The following NRXN3 variants were observed in gnomAD, a reference collection of about 807,000 sequenced individuals.
NRXN3 encodes the protein neurexin 3.
Under a neutral mutation model 137.6 loss-of-function variants are expected in NRXN3, and 32 were observed. That is an observed-to-expected ratio of 0.23 (90% confidence interval 0.18 to 0.31). The LOEUF is 0.31. NRXN3 is among the 10% of genes least tolerant of loss of function. NRXN3 has a pLI of 1.00. For synonymous variants in NRXN3, 798 were observed against 784.5 expected, an observed-to-expected ratio of 1.02 and a Z score of -0.29; for missense variants, 1,574 against 2,062.5, an observed-to-expected ratio of 0.76 and a Z score of 4.59.
At position 78,336,854 on chromosome 14, in the gene NRXN3, T is replaced by C. The variant is rs78071647; in HGVS notation, c.757+38994T>C. Among the ~76,000 whole-genome samples the C allele has an allele frequency of 5.4e-3, 824 of 152,244 alleles. 34 individuals are homozygous for C. In the East Asian group the frequency reaches 0.089, roughly 17 times the overall value. ...CAGCATCCTGTTGTGATGCAATTCA[T>C]TGGACTGGGACAATGACTTTCTGCT... On this transcript the variant is annotated intron_variant, in intron 4 of 20. Coordinates refer to ENST00000335750, the MANE Select transcript of NRXN3 (RefSeq NM_001330195.2).
intron 4 of NRXN3, among the ~76,000 whole-genome samples, chr14:78,418,167 G>A (rs1342449574): frequency 6.6e-6 from 1 of 152,180 alleles, no homozygotes; most frequent in African/African-American, 2.4e-5. Flanking sequence ...ATATTAGCCT[G>A]GGGTGGACTG....
chr14:79,858,486 G>C (rs1568474044), intron 20 of NRXN3, among the ~76,000 whole-genome samples: 1 of 152,076 alleles, frequency 6.6e-6, no homozygotes, highest in African/African-American at 2.4e-5. Context: ...CCAGGGCTTT[G>C]CCTCCTAAGA....
chr14:78,380,278 G>T (rs974584214), intron 4 of NRXN3, among the ~76,000 whole-genome samples: 1 of 136,882 alleles, frequency 7.3e-6, no homozygotes, highest in Non-Finnish European at 1.5e-5. Context: ...TCCGCAGTCC[G>T]GCCTGGGCGA....
chr14:79,648,066 C>A lies in NRXN3; in HGVS notation c.3445-15712C>A, dbSNP rs1024342520. 1.5e-5 allele frequency among the ~76,000 whole-genome samples: 2 copies of A among 134,908 alleles called. 1 individual carries two copies. The highest frequency in any genetic ancestry group is 3.4e-5 in the Non-Finnish European group (2 of 58,108). The allele number at this position is 134,908 out of a possible 152,430, so 88.5% of individuals were successfully genotyped here. On this transcript the variant is annotated intron_variant, in intron 16 of 20. Coordinates refer to ENST00000335750, the MANE Select transcript of NRXN3 (RefSeq NM_001330195.2). ...GGAATGAAGTATAAGAAAACCTGTG[C>A]TTTCCTTAATTTTTCTTGAATCCTG...
intron 20 of NRXN3, among the ~76,000 whole-genome samples, chr14:79,847,400 T>C (rs1167678563): frequency 1.3e-5 from 2 of 152,212 alleles, no homozygotes; most frequent in Non-Finnish European, 2.9e-5. Context: ...TTGATGTCTT[T>C]CCATAAGATT....
chr14:78,710,574 G>C (rs980246985), intron 7 of NRXN3, among the ~76,000 whole-genome samples: 5 of 152,172 alleles, frequency 3.3e-5, no homozygotes, highest in Admixed American at 1.3e-4. Context: ...AAGGGTCTTG[G>C]CTTCATGTGC....
intron 6 of NRXN3, among the ~76,000 whole-genome samples, chr14:78,692,026 T>C (rs1035159750): frequency 2.0e-5 from 3 of 152,234 alleles, no homozygotes; most frequent in Non-Finnish European, 4.4e-5. Flanking sequence ...GGCCTATAAA[T>C]TTAATTATGT....
chr14:78,420,093 A>G (rs543739213), intron 4 of NRXN3, among the ~76,000 whole-genome samples: 5 of 152,084 alleles, frequency 3.3e-5, no homozygotes, highest in African/African-American at 7.2e-5. Flanking sequence ...GGGAAGATGG[A>G]AAAAAAAGGT....
intron 15 of NRXN3, among the ~76,000 whole-genome samples, chr14:78,997,113 C>A (rs181726483): frequency 3.0e-4 from 45 of 152,290 alleles, no homozygotes; most frequent in Non-Finnish European, 5.0e-4. Context: ...GGACTGCGTG[C>A]AGCTTTGTTT....
intron 4 of NRXN3, among the ~76,000 whole-genome samples, chr14:78,488,743 GAGAA>G (rs879536716): frequency 8.7e-5 from 13 of 149,572 alleles, no homozygotes; most frequent in South Asian, 6.6e-4. Flanking sequence ...AGAGAAGAAG[GAGAA>G]AGAAAGGAGG....
Position 78,956,858 on chromosome 14 carries a change from G to C in NRXN3, c.2276-384G>C, listed in dbSNP as rs554021392. On this transcript the variant is annotated intron_variant, in intron 10 of 20. Coordinates refer to ENST00000335750, the MANE Select transcript of NRXN3 (RefSeq NM_001330195.2). The stretch of plus-strand genomic sequence containing the variant: ...TGCCAAATGGCCAAATTATTCTATA[G>C]AAAAAATACTATGGTAAATTTCCTA... Among the ~76,000 whole-genome samples, 6 of 152,210 alleles carry C rather than the reference G, an allele frequency of 3.9e-5. No homozygotes were observed. The East Asian group carries it at 1.2e-3, about 29-fold the overall frequency.
chr14:78,549,135 C>T (rs2096663200), intron 4 of NRXN3, among the ~76,000 whole-genome samples: 1 of 152,076 alleles, frequency 6.6e-6, no homozygotes, highest in Non-Finnish European at 1.5e-5. Flanking sequence ...GGTGTGCTGT[C>T]ATAGATTTTA....
At chr14:78,881,759 G>T (rs2099129744) in intron 10 of NRXN3, among the ~76,000 whole-genome samples, 1 of 151,774 alleles carries the variant, frequency 6.6e-6, no homozygotes, top group African/African-American at 2.4e-5. Context: ...GCTTGCTGAT[G>T]TGCCAGAAAA....
intron 15 of NRXN3, among the ~76,000 whole-genome samples, chr14:79,303,363 G>A (rs2085470147): frequency 1.3e-5 from 2 of 151,992 alleles, no homozygotes; most frequent in African/African-American, 4.8e-5. Flanking sequence ...GACTTACTAG[G>A]CCATCTTGTG....
intron 10 of NRXN3, among the ~76,000 whole-genome samples, chr14:78,954,836 A>G (rs1387315032): frequency 6.6e-6 from 1 of 150,428 alleles, no homozygotes; most frequent in Non-Finnish European, 1.5e-5. Flanking sequence ...TTACAGTCAA[A>G]TGGACAGTTA....
At chr14:78,418,568 C>T (rs2093275943) in intron 4 of NRXN3, among the ~76,000 whole-genome samples, 1 of 152,168 alleles carries the variant, frequency 6.6e-6, no homozygotes, top group South Asian at 2.1e-4. Context: ...AAACTCCATG[C>T]AGCTTGGAAA....
rs1157387242 is a variant in NRXN3, at chr14:78,926,897, TATAA to T, written c.2276-30344_2276-30341del. Among the ~76,000 whole-genome samples, 257 of 27,930 alleles carry T rather than the reference TATAA, an allele frequency of 9.2e-3. 12 individuals are homozygous for T. Among genetic ancestry groups the T allele is most frequent in the Middle Eastern group, 0.023 (1 of 44 alleles). The allele number at this position is 27,930 out of a possible 152,430, so 18.3% of individuals were successfully genotyped here. On this transcript the variant is annotated intron_variant, in intron 10 of 20. Coordinates refer to ENST00000335750, the MANE Select transcript of NRXN3 (RefSeq NM_001330195.2). ...AATATATAATATATTTATATATATATATAATATATATAATATATATATAATATAT... is the reference window on the plus strand; with the variant it reads ...AATATATAATATATTTATATATATATTATATATAATATATATATAATATAT...
At chr14:78,327,190 A>G (rs899340879) in intron 4 of NRXN3, among the ~76,000 whole-genome samples, 3 of 152,210 alleles carry the variant, frequency 2.0e-5, no homozygotes, top group Non-Finnish European at 2.9e-5. Flanking sequence ...TAATAGAACC[A>G]TGTTTGAAGT....
chr14:78,444,912 T>A (rs2094371315), intron 4 of NRXN3, among the ~76,000 whole-genome samples: 1 of 37,934 alleles, frequency 2.6e-5, no homozygotes, highest in Non-Finnish European at 4.4e-5. Context: ...AGGGCAAAAC[T>A]CTGTCTCAAA....
Sources: allele counts gnomAD v4.1 joint callset (sites outside exome capture counted in the v4.1 genomes callset), GRCh38; gene constraint gnomAD v4.1.1; transcripts MANE v1.5; gene names NCBI Gene and HGNC (gene_info 2026-07-23, HGNC 2026-07-21).